Variants in TNFSF4 observed in about 807,000 individuals in gnomAD.
TNFSF4 encodes tumor necrosis factor ligand superfamily member 4.
In TNFSF4, 4 loss-of-function variants were observed where a neutral mutation model predicts 7.3. The observed-to-expected ratio is 0.55, with a 90% CI of 0.27 to 1.25. TNFSF4 has a LOEUF of 1.25. Ranked by LOEUF, TNFSF4 falls within the 50% of genes most tolerant of loss-of-function variation. The pLI, the probability that TNFSF4 is intolerant of heterozygous loss-of-function variation, is 0.12. For missense variants in TNFSF4, 181 were observed against 208.8 expected (o/e 0.87, Z 0.82); for synonymous variants, 76 against 83.7 (o/e 0.91, Z 0.50).
chr1:173,232,700 G>A, the TNFSF4 span, among the ~76,000 whole-genome samples: 1 of 152,084 alleles, frequency 6.6e-6, no homozygotes, highest in Non-Finnish European at 1.5e-5. Flanking sequence ...TTTTGTCGAA[G>A]GCCTTTTCTG....
the TNFSF4 span, among the ~76,000 whole-genome samples, chr1:173,296,299 A>C: frequency 4.6e-5 from 7 of 152,044 alleles, no homozygotes; most frequent in Non-Finnish European, 8.8e-5. Flanking sequence ...TCATTACGTG[A>C]ATTTCAGTTC....
At chr1:173,272,134 G>A in the TNFSF4 span, among the ~76,000 whole-genome samples, 1 of 152,082 alleles carries the variant, frequency 6.6e-6, no homozygotes, top group Non-Finnish European at 1.5e-5. Flanking sequence ...ACTCATAGGT[G>A]GGAATTGAAC....
the TNFSF4 span, among the ~76,000 whole-genome samples, chr1:173,349,228 C>T: frequency 6.6e-6 from 1 of 151,998 alleles, no homozygotes. Flanking sequence ...CGGGGTTTCA[C>T]CACGTTAGCC....
At chr1:173,414,138 C>A in the TNFSF4 span, among the ~76,000 whole-genome samples, 1 of 152,184 alleles carries the variant, frequency 6.6e-6, no homozygotes, top group Non-Finnish European at 1.5e-5. Context: ...CAAAGTACCA[C>A]AGACTGGAGG....
downstream of TNFSF4, among the ~76,000 whole-genome samples, chr1:173,179,804 G>T (rs1649017834): frequency 6.6e-6 from 1 of 152,166 alleles, no homozygotes; most frequent in African/African-American, 2.4e-5. Flanking sequence ...CTAATACATA[G>T]ACAAATATAT....
At chr1:173,319,750 A>T in the TNFSF4 span, among the ~76,000 whole-genome samples, 1 of 152,200 alleles carries the variant, frequency 6.6e-6, no homozygotes, top group Non-Finnish European at 1.5e-5. Flanking sequence ...ACTGAAGCAG[A>T]CCTGCAGAAG....
chr1:173,302,862 C>A, the TNFSF4 span, among the ~76,000 whole-genome samples: 1 of 151,478 alleles, frequency 6.6e-6, no homozygotes, highest in African/African-American at 2.4e-5. Flanking sequence ...CCACTGATGA[C>A]GTTATAAAAG....
the TNFSF4 span, among the ~76,000 whole-genome samples, chr1:173,442,997 A>C: frequency 6.6e-6 from 1 of 152,168 alleles, no homozygotes. Flanking sequence ...TCAGTTTTAC[A>C]ACATTTATAT....
At chr1:173,216,975 C>T in the TNFSF4 span, among the ~76,000 whole-genome samples, 6 of 152,126 alleles carry the variant, frequency 3.9e-5, no homozygotes, top group African/African-American at 1.4e-4. Flanking sequence ...ACCCAGAAGT[C>T]CCAAAGGATG....
At chr1:173,393,226 A>T in the TNFSF4 span, among the ~76,000 whole-genome samples, 1 of 152,214 alleles carries the variant, frequency 6.6e-6, no homozygotes, top group South Asian at 2.1e-4. Flanking sequence ...CTGAAAGCTC[A>T]TTCTGCCTTC....
the TNFSF4 span, among the ~76,000 whole-genome samples, chr1:173,434,030 G>A: frequency 1.8e-4 from 27 of 152,286 alleles, no homozygotes; most frequent in East Asian, 4.1e-3. Flanking sequence ...TTACCAGCAA[G>A]CCACCCCAAA....
chr1:173,366,795 A>AATATAT, the TNFSF4 span, among the ~76,000 whole-genome samples: 46 of 151,190 alleles, frequency 3.0e-4, no homozygotes, highest in South Asian at 2.3e-3. Flanking sequence ...TAAAAATTAA[A>AATATAT]ATATATATAT....
the TNFSF4 span, among the ~76,000 whole-genome samples, chr1:173,389,756 T>C: frequency 6.6e-6 from 1 of 152,198 alleles, no homozygotes; most frequent in African/African-American, 2.4e-5. Flanking sequence ...TTGCTGATTC[T>C]CTTTTTAGCT....
At chr1:173,372,132 T>C in the TNFSF4 span, among the ~76,000 whole-genome samples, 1 of 152,220 alleles carries the variant, frequency 6.6e-6, no homozygotes, top group African/African-American at 2.4e-5. Flanking sequence ...ACAAGTCAAA[T>C]ATCTAGGCCT....
chr1:173,449,015 T>G, the TNFSF4 span, among the ~76,000 whole-genome samples: 8 of 152,206 alleles, frequency 5.3e-5, no homozygotes, highest in East Asian at 1.3e-3. Context: ...ATGTTAGAAG[T>G]GGGGCCTGGT....
the TNFSF4 span, among the ~76,000 whole-genome samples, chr1:173,426,972 A>G: frequency 6.6e-6 from 1 of 152,308 alleles, no homozygotes; most frequent in East Asian, 1.9e-4. Context: ...TAGGCTCTGA[A>G]GACAAAGAAA....
At chr1:173,424,931 T>C in the TNFSF4 span, among the ~76,000 whole-genome samples, 12 of 152,216 alleles carry the variant, frequency 7.9e-5, no homozygotes, top group Admixed American at 4.6e-4. Flanking sequence ...TGCAATAAGG[T>C]GGCACACCTT....
At chr1:173,395,033 TAGATGATA>T in the TNFSF4 span, among the ~76,000 whole-genome samples, 4,783 of 105,558 alleles carry the variant, frequency 0.045, 94 homozygotes, top group Non-Finnish European at 0.056. Flanking sequence ...GATAGATAGA[TAGATGATA>T]GATAGATAGA....
At chr1:173,178,588 T>A in the TNFSF4 span, among the ~76,000 whole-genome samples, 48 of 152,170 alleles carry the variant, frequency 3.2e-4, no homozygotes, top group Non-Finnish European at 6.2e-4. Flanking sequence ...TAAAAAAATT[T>A]AAAAATTAAA....
Sources: gnomAD v4.1 joint callset for allele counts (sites outside exome capture counted in the v4.1 genomes callset) on GRCh38, gnomAD v4.1.1 for gene constraint, MANE v1.5 for transcripts, NCBI Gene and HGNC (gene_info 2026-07-23, HGNC 2026-07-21) for gene names.